Variants in RAB22A observed in about 807,000 individuals in gnomAD.
RAB22A encodes ras-related protein Rab-22A.
In RAB22A, 13 loss-of-function variants were observed where a neutral mutation model predicts 30.2. The observed-to-expected ratio is 0.43, with a 90% CI of 0.28 to 0.68. The LOEUF is 0.68. Among genes scored for constraint, RAB22A ranks in the 30% least tolerant of loss-of-function variants. RAB22A has a pLI of 0.18. For synonymous variants in RAB22A, 89 were observed against 87.2 expected (o/e 1.02, Z -0.11); for missense variants, 177 against 246.8 (o/e 0.72, Z 1.89).
At chr20:58,340,045 G>A (rs1457419289) in intron 2 of RAB22A, among the ~76,000 whole-genome samples, 1 of 152,168 alleles carries the variant, frequency 6.6e-6, no homozygotes, top group East Asian at 1.9e-4. Flanking sequence ...AGATGTGATA[G>A]GCCAAGATTT....
At chr20:58,315,897 C>T (rs1016638955) in intron 2 of RAB22A, among the ~76,000 whole-genome samples, 2 of 152,130 alleles carry the variant, frequency 1.3e-5, no homozygotes, top group Admixed American at 1.3e-4. Context: ...TCATTAAAGA[C>T]AAGTTTGATC....
intron 2 of RAB22A, among the ~76,000 whole-genome samples, chr20:58,322,508 A>G (rs1264966553): frequency 1.3e-5 from 2 of 152,208 alleles, no homozygotes; most frequent in African/African-American, 4.8e-5. Flanking sequence ...TGTCAATATT[A>G]TTTGGTTTAA....
rs1450039505 is a variant in RAB22A at position 58,309,888 on chromosome 20, C to T, written c.-89C>T. 2.5e-6 allele frequency: 3 copies of T among 1,195,662 alleles called. No homozygotes were observed. The highest frequency in any genetic ancestry group is 4.3e-5 in the Admixed American group (1 of 23,518). The allele number at this position is 1,195,662 out of a possible 1,614,324, so 74.1% of individuals were successfully genotyped here. On this transcript the variant is annotated 5_prime_UTR_variant, in exon 1 of 7. Transcript: ENST00000244040. ...GGACCGGGGCTGGGCCGTGCGGCGGCAGCGGCGCCAGGGGATGCTCTTGCT... is the reference window on the plus strand; with the variant it reads ...GGACCGGGGCTGGGCCGTGCGGCGGTAGCGGCGCCAGGGGATGCTCTTGCT...
chr20:58,323,647 CT>C, intron 2 of RAB22A, among the ~76,000 whole-genome samples: 1 of 53,074 alleles, frequency 1.9e-5, no homozygotes, highest in East Asian at 4.7e-4. Context: ...TTTTTTTTTT[CT>C]TTTAAGAGAC....
intron 2 of RAB22A, among the ~76,000 whole-genome samples, chr20:58,334,686 G>A (rs1306353830): frequency 4.7e-5 from 7 of 150,032 alleles, no homozygotes; most frequent in Non-Finnish European, 1.0e-4. Flanking sequence ...CACAATGTCT[G>A]TGAATATAAT....
chr20:58,321,849 A>T (rs925822699), intron 2 of RAB22A, among the ~76,000 whole-genome samples: 1 of 152,202 alleles, frequency 6.6e-6, no homozygotes, highest in African/African-American at 2.4e-5. Context: ...CTGTCAGGCT[A>T]GAGTGCAGTG....
intron 2 of RAB22A, among the ~76,000 whole-genome samples, chr20:58,321,283 G>A (rs1986454780): frequency 6.6e-6 from 1 of 151,994 alleles, no homozygotes; most frequent in Non-Finnish European, 1.5e-5. Flanking sequence ...AGAATTGCTT[G>A]AACCCAGGAG....
At chr20:58,333,215 G>T (rs1986691375) in intron 2 of RAB22A, among the ~76,000 whole-genome samples, 1 of 151,866 alleles carries the variant, frequency 6.6e-6, no homozygotes. Context: ...AGGAGGCGGA[G>T]GTTGCAGTGA....
At position 58,310,121 on chromosome 20, in the gene RAB22A, G is replaced by A. The variant is rs73291362; in HGVS notation, c.36+109G>A. The A allele has an allele frequency of 3.9e-3, 4,284 of 1,099,616 alleles. 81 individuals are homozygous for A. In the African/African-American group the frequency reaches 0.046, roughly 12 times the overall value. 68.1% of individuals were successfully genotyped at this position (1,099,616 alleles called of 1,614,324 possible). On this transcript the variant is annotated intron_variant, in intron 1 of 6. Coordinates refer to ENST00000244040, the MANE Select transcript of RAB22A (RefSeq NM_020673.3). Reference sequence around the variant, plus strand: ...TCCCCCCTCCCACGTCCAAGACGCTGTCTGCCAGCCCCGTGGACCCTCCCT... The same window carrying A: ...TCCCCCCTCCCACGTCCAAGACGCTATCTGCCAGCCCCGTGGACCCTCCCT...
rs958021745 is a variant in RAB22A, at chr20:58,361,195, A to G, written c.*1492A>G. The G allele has an allele frequency of 2.0e-5, 3 of 152,576 alleles. No individual in the cohort carries two copies. The highest frequency in any genetic ancestry group is 2.0e-4 in the Admixed American group (3 of 15,284). The allele number at this position is 152,576 out of a possible 1,614,324, so 9.5% of individuals were successfully genotyped here. ...AACCTGAGTATTGTAGGGGAAGGAA[A>G]TTTACAAGATTTAATAGGAAATGAA... On this transcript the variant is annotated 3_prime_UTR_variant, in exon 7 of 7. Coordinates refer to ENST00000244040, the MANE Select transcript of RAB22A (RefSeq NM_020673.3).
intron 2 of RAB22A, among the ~76,000 whole-genome samples, chr20:58,337,764 T>C (rs1403339481): frequency 6.6e-6 from 1 of 152,182 alleles, no homozygotes; most frequent in African/African-American, 2.4e-5. Flanking sequence ...CTGTGGATCC[T>C]AACTGCACCT....
chr20:58,358,524 A>G (rs934457769), intron 6 of RAB22A, among the ~76,000 whole-genome samples: 2 of 152,224 alleles, frequency 1.3e-5, no homozygotes, highest in African/African-American at 4.8e-5. Context: ...TTGGAAACAA[A>G]CTAAATACCC....
Position 58,310,027 on chromosome 20 carries a change from GTC to G in RAB22A, c.36+16_36+17del. On this transcript the variant is annotated intron_variant, in intron 1 of 6. Coordinates refer to ENST00000244040, the MANE Select transcript of RAB22A (RefSeq NM_020673.3). ...GTCTGCTCGGGGTGAGTGGCGGCGG[GTC>G]CGGCCGGGAGGGCCACGGGAGGCTG... 2 of 1,268,796 alleles carry G rather than the reference GTC, an allele frequency of 1.6e-6. No homozygotes were observed. Among genetic ancestry groups the G allele is most frequent in the Non-Finnish European group, 2.0e-6 (2 of 1,000,800 alleles). 78.6% of individuals were successfully genotyped at this position (1,268,796 alleles called of 1,614,324 possible). A position where few individuals can be genotyped will look rare whatever the true frequency, so the allele number is the denominator to read the frequency against.
chr20:58,357,129 A>G (rs1394942704), intron 6 of RAB22A, among the ~76,000 whole-genome samples: 1 of 152,126 alleles, frequency 6.6e-6, no homozygotes, highest in African/African-American at 2.4e-5. Flanking sequence ...CTAGTTGACA[A>G]CCATACCGGT....
intron 2 of RAB22A, 140 bp downstream of exon 2, chr20:58,311,262 GAA>G (rs1986220690): frequency 1.2e-6 from 1 of 814,094 alleles, no homozygotes; most frequent in Admixed American, 2.1e-5. Context: ...GGAAGGACTT[GAA>G]AGAGTCCAGT....
At chr20:58,342,648 CAAAAA>C (rs10709063) in intron 2 of RAB22A, among the ~76,000 whole-genome samples, 2 of 124,028 alleles carry the variant, frequency 1.6e-5, no homozygotes, top group Non-Finnish European at 1.8e-5. Flanking sequence ...TACAATTTGG[CAAAAA>C]AAAAAAAAAA....
chr20:58,363,118 T>G lies in RAB22A; in HGVS notation c.*3415T>G, dbSNP rs1432677926. The G allele has an allele frequency of 6.6e-6, 1 of 152,234 alleles. No homozygotes were observed. The highest frequency in any genetic ancestry group is 1.5e-5 in the Non-Finnish European group (1 of 68,050). The allele number at this position is 152,234 out of a possible 1,614,324, so 9.4% of individuals were successfully genotyped here. ...TTCCTGTAACTGTCAAACCAAAATG[T>G]CAGTATTTTTAGGGCATTGTGTTAA... On this transcript the variant is annotated 3_prime_UTR_variant, in exon 7 of 7. Coordinates refer to ENST00000244040, the MANE Select transcript of RAB22A (RefSeq NM_020673.3).
chr20:58,363,701 GA>G lies in RAB22A; in HGVS notation c.*4001del, dbSNP rs1211483494. 6.6e-6 allele frequency: 1 copy of G among 152,184 alleles called. No individual in the cohort carries two copies. The highest frequency in any genetic ancestry group is 1.9e-4 in the East Asian group (1 of 5,202). The allele number at this position is 152,184 out of a possible 1,614,324, so 9.4% of individuals were successfully genotyped here. A position where few individuals can be genotyped will look rare whatever the true frequency, so the allele number is the denominator to read the frequency against. ...TAACAGTTAATATTTTTTAAAGGAA[GA>G]AATGGAATGTACCTTCAGGGGTCAA... On this transcript the variant is annotated 3_prime_UTR_variant, in exon 7 of 7. Coordinates refer to ENST00000244040, the MANE Select transcript of RAB22A (RefSeq NM_020673.3).
intron 2 of RAB22A, among the ~76,000 whole-genome samples, chr20:58,328,831 C>G (rs533926447): frequency 6.6e-6 from 1 of 151,478 alleles, no homozygotes; most frequent in Non-Finnish European, 1.5e-5. Context: ...AATAATTGTT[C>G]AAAAAAAAGA....
Sources: allele counts gnomAD v4.1 joint callset (sites outside exome capture counted in the v4.1 genomes callset), GRCh38; gene constraint gnomAD v4.1.1; transcripts MANE v1.5; gene names NCBI Gene and HGNC (gene_info 2026-07-23, HGNC 2026-07-21).